Variants in DRC2 observed in about 807,000 individuals in gnomAD.
The protein encoded by DRC2 is coiled-coil domain containing 65.
chr12:48,911,165 A>G, the DRC2 span, among the ~76,000 whole-genome samples: 1 of 152,178 alleles, frequency 6.6e-6, no homozygotes, highest in Non-Finnish European at 1.5e-5. Context: ...AGAGGCACAT[A>G]TTGTCTAGCT....
chr12:48,908,959 C>T, the DRC2 span, among the ~76,000 whole-genome samples: 4 of 151,066 alleles, frequency 2.6e-5, no homozygotes, highest in Non-Finnish European at 4.4e-5. Flanking sequence ...GTTCCCCCAT[C>T]TACAGGAAAA....
the DRC2 span, chr12:48,918,588 T>C: frequency 1.3e-6 from 2 of 1,486,372 alleles, no homozygotes; most frequent in Middle Eastern, 2.4e-4. Flanking sequence ...AAAGATGATA[T>C]GCTCTGATTT....
the DRC2 span, chr12:48,904,795 C>T: frequency 1.5e-6 from 1 of 649,096 alleles, no homozygotes; most frequent in Non-Finnish European, 2.5e-6. Context: ...ATGCTCCCAC[C>T]CTGAAGGAAA....
chr12:48,913,379 A>G, the DRC2 span, among the ~76,000 whole-genome samples: 6 of 149,202 alleles, frequency 4.0e-5, no homozygotes, highest in African/African-American at 1.5e-4. Flanking sequence ...TCTCAGCTCA[A>G]TGCAAACTTG....
At chr12:48,904,989 A>G in the DRC2 span, 4 of 1,613,346 alleles carry the variant, frequency 2.5e-6, no homozygotes, top group South Asian at 4.4e-5. Flanking sequence ...CTGAACCTTA[A>G]TAAGATTAAC....
At chr12:48,911,376 T>C in the DRC2 span, among the ~76,000 whole-genome samples, 1 of 151,710 alleles carries the variant, frequency 6.6e-6, no homozygotes, top group African/African-American at 2.4e-5. Context: ...CTGGGCAACA[T>C]GGCAAAAACC....
chr12:48,921,182 C>T, the DRC2 span: 9 of 1,614,090 alleles, frequency 5.6e-6, no homozygotes, highest in East Asian at 2.2e-5. Flanking sequence ...TGGTGGACTA[C>T]ATAGGAATGG....
At chr12:48,913,858 C>A in the DRC2 span, among the ~76,000 whole-genome samples, 149 of 151,910 alleles carry the variant, frequency 9.8e-4, no homozygotes, top group African/African-American at 3.5e-3. Context: ...GAACTCCTGA[C>A]CTCATGATCT....
chr12:48,916,502 A>T, the DRC2 span, among the ~76,000 whole-genome samples: 1 of 152,202 alleles, frequency 6.6e-6, no homozygotes, highest in East Asian at 1.9e-4. Flanking sequence ...CGGCAGGCTG[A>T]GGCAGGAGAA....
chr12:48,920,441 T>TTAAAAAA, the DRC2 span, among the ~76,000 whole-genome samples: 1,050 of 67,774 alleles, frequency 0.015, 143 homozygotes, highest in African/African-American at 0.06. Context: ...AACTCCATCT[T>TTAAAAAA]AAAAAAAAAA....
chr12:48,918,242 C>T, the DRC2 span: 1 of 1,606,104 alleles, frequency 6.2e-7, no homozygotes, highest in Non-Finnish European at 8.5e-7. Context: ...TAAGGTAATT[C>T]CAAACATTTG....
At chr12:48,917,934 A>G in the DRC2 span, among the ~76,000 whole-genome samples, 1 of 152,242 alleles carries the variant, frequency 6.6e-6, no homozygotes, top group Non-Finnish European at 1.5e-5. Flanking sequence ...ACACTTAAAA[A>G]TTGGAGATTT....
At chr12:48,914,882 G>A in the DRC2 span, among the ~76,000 whole-genome samples, 1 of 150,308 alleles carries the variant, frequency 6.7e-6, no homozygotes, top group African/African-American at 2.5e-5. Flanking sequence ...TTTTCAAGAC[G>A]GAGTGTCGCT....
the DRC2 span, among the ~76,000 whole-genome samples, chr12:48,912,277 A>T: frequency 6.6e-6 from 1 of 151,318 alleles, no homozygotes; most frequent in South Asian, 2.1e-4. Context: ...AAAAAATAAA[A>T]AAATTAGCTG....
At chr12:48,913,543 A>G in the DRC2 span, among the ~76,000 whole-genome samples, 1 of 152,056 alleles carries the variant, frequency 6.6e-6, no homozygotes, top group African/African-American at 2.4e-5. Flanking sequence ...CCCGGGCTGG[A>G]GTGCAGTGGT....
At chr12:48,916,537 C>A in the DRC2 span, among the ~76,000 whole-genome samples, 3 of 152,118 alleles carry the variant, frequency 2.0e-5, no homozygotes, top group Non-Finnish European at 4.4e-5. Context: ...TGCAGTGAGC[C>A]GAGATGGCAG....
chr12:48,914,780 C>A, the DRC2 span, among the ~76,000 whole-genome samples: 1 of 152,152 alleles, frequency 6.6e-6, no homozygotes, highest in African/African-American at 2.4e-5. Flanking sequence ...CACGTCAGGT[C>A]CCTGTCTGTG....
the DRC2 span, chr12:48,918,283 A>G: frequency 6.2e-7 from 1 of 1,613,800 alleles, no homozygotes; most frequent in African/African-American, 1.3e-5. Context: ...AGAATTTAGA[A>G]GAGAAGCACT....
chr12:48,905,886 C>T, the DRC2 span, among the ~76,000 whole-genome samples: 1 of 152,070 alleles, frequency 6.6e-6, no homozygotes, highest in Non-Finnish European at 1.5e-5. Context: ...ATTCTTCTGC[C>T]TCAGCCTCCC....
Sources: allele counts gnomAD v4.1 joint callset (sites outside exome capture counted in the v4.1 genomes callset), GRCh38; gene constraint gnomAD v4.1.1; transcripts MANE v1.5; gene names NCBI Gene and HGNC (gene_info 2026-07-23, HGNC 2026-07-21).